PARPBP: variants seen among roughly 807,000 people sequenced by gnomAD.
The protein encoded by PARPBP is PARP1 binding protein, also known as PCNA-interacting partner.
PARPBP carries 52 observed loss-of-function variants against 50.0 expected under a neutral mutation model. The observed-to-expected ratio is 1.04, with a 90% CI of 0.83 to 1.31. The LOEUF is 1.31. PARPBP is among the 50% of genes most tolerant of loss of function. The pLI, the probability that PARPBP is intolerant of heterozygous loss-of-function variation, is 0.00. For missense variants in PARPBP, 697 were observed against 672.0 expected, an observed-to-expected ratio of 1.04 and a Z score of -0.41; for synonymous variants, 244 against 232.1, an observed-to-expected ratio of 1.05 and a Z score of -0.47.
intron 2 of PARPBP, among the ~76,000 whole-genome samples, chr12:102,144,551 C>A (rs1594496954): frequency 6.6e-6 from 1 of 152,106 alleles, no homozygotes; most frequent in Admixed American, 6.5e-5. Flanking sequence ...TTTTTACAAT[C>A]CCAGTATAAA....
intron 7 of PARPBP, among the ~76,000 whole-genome samples, chr12:102,176,504 C>A (rs1457947593): frequency 6.6e-6 from 1 of 152,026 alleles, no homozygotes; most frequent in African/African-American, 2.4e-5. Flanking sequence ...ACTATATATT[C>A]CCAGAACATT....
intron 2 of PARPBP, among the ~76,000 whole-genome samples, chr12:102,145,501 A>G (rs1388760444): frequency 6.6e-6 from 1 of 150,610 alleles, no homozygotes; most frequent in East Asian, 2.0e-4. Flanking sequence ...TAGAATATTA[A>G]TGGAGCAGAA....
chr12:102,123,997 A>G lies in PARPBP; in HGVS notation c.109A>G (p.Met37Val), dbSNP rs1018336003. ...ERTTLCGADS[M>V]LLALQLSMAE... ...AACTACTCTATGTGGTGCAGACTCC[A>G]TGCTCTTGGCATTGCAGCTTTCTAT... Residue 37 changes from methionine to valine, a missense_variant, in exon 2 of 11, where the codon ATG becomes GTG. Met to Val is a conservative substitution (Grantham distance 21). Transcript: ENST00000327680. 6.5e-7 allele frequency: 1 copy of G among 1,535,192 alleles called. No homozygotes were observed. The highest frequency in any genetic ancestry group is 1.4e-5 in the African/African-American group (1 of 73,160).
rs1887065549 is a variant in PARPBP, at chr12:102,157,356, T to C, written c.495+3380T>C. Among the ~76,000 whole-genome samples, 4 of 152,142 alleles carry C rather than the reference T, an allele frequency of 2.6e-5. No homozygotes were observed. The South Asian group carries it at 8.3e-4, about 31-fold the overall frequency. On this transcript the variant is annotated intron_variant, in intron 4 of 10. Coordinates refer to ENST00000327680, the MANE Select transcript of PARPBP (RefSeq NM_017915.5). ...AAATTTAAATAAGTATTTTAAAATA[T>C]CATTTACTAACTTCCATATTTAAAT...
At chr12:102,174,499 C>A (rs1442470720) in intron 6 of PARPBP, among the ~76,000 whole-genome samples, 1 of 152,152 alleles carries the variant, frequency 6.6e-6, no homozygotes, top group African/African-American at 2.4e-5. Context: ...TTCCTTTATG[C>A]CACTACAAAA....
intron 9 of PARPBP, among the ~76,000 whole-genome samples, chr12:102,186,237 G>T (rs1334654005): frequency 1.3e-5 from 2 of 151,694 alleles, no homozygotes; most frequent in Non-Finnish European, 2.9e-5. Flanking sequence ...CTAATGGTTT[G>T]TTGATTTTAT....
chr12:102,135,711 C>G (rs1350036399), intron 2 of PARPBP, among the ~76,000 whole-genome samples: 1 of 152,066 alleles, frequency 6.6e-6, no homozygotes, highest in African/African-American at 2.4e-5. Context: ...GGGTATCTTT[C>G]ACATGGGAAT....
At chr12:102,188,425 C>T (rs1305693799) in intron 9 of PARPBP, among the ~76,000 whole-genome samples, 1 of 152,048 alleles carries the variant, frequency 6.6e-6, no homozygotes, top group African/African-American at 2.4e-5. Flanking sequence ...GCTTAGAGCA[C>T]ACCCGAGGAA....
At chr12:102,156,353 ATT>A (rs11357754) in intron 4 of PARPBP, among the ~76,000 whole-genome samples, 10 of 144,752 alleles carry the variant, frequency 6.9e-5, no homozygotes, top group Admixed American at 1.4e-4. Flanking sequence ...CACCCAGCTA[ATT>A]TTTTTTTTTT....
intron 7 of PARPBP, 116 bp downstream of exon 7, chr12:102,175,782 A>C: frequency 1.7e-6 from 1 of 604,586 alleles, no homozygotes; most frequent in Non-Finnish European, 2.7e-6. Flanking sequence ...CCTGTGTTCT[A>C]AAATGATATT....
chr12:102,158,192 A>G (rs1032856237), intron 4 of PARPBP, among the ~76,000 whole-genome samples: 4 of 150,954 alleles, frequency 2.6e-5, no homozygotes, highest in Non-Finnish European at 5.9e-5. Context: ...ATTACTTGCC[A>G]TTTCTCAATA....
At chr12:102,152,464 A>G (rs1886325362) in intron 3 of PARPBP, among the ~76,000 whole-genome samples, 1 of 152,216 alleles carries the variant, frequency 6.6e-6, no homozygotes, top group South Asian at 2.1e-4. Flanking sequence ...CTGGGTTACT[A>G]TAAATTTCGT....
chr12:102,147,726 TAAAAA>T (rs546140105), intron 2 of PARPBP, among the ~76,000 whole-genome samples: 2 of 151,792 alleles, frequency 1.3e-5, no homozygotes, highest in Admixed American at 6.6e-5. Context: ...AATAATAAAA[TAAAAA>T]AAATTAATCT....
intron 6 of PARPBP, among the ~76,000 whole-genome samples, chr12:102,167,123 G>T (rs1888213980): frequency 6.6e-6 from 1 of 152,058 alleles, no homozygotes; most frequent in Non-Finnish European, 1.5e-5. Context: ...GTGTCAGAGT[G>T]GCAACCATGA....
rs147086486 is a variant in PARPBP, at chr12:102,175,658, C to G, written c.997C>G (p.Pro333Ala). Residue 333 changes from proline (P) to alanine (A), a missense_variant, in exon 7 of 11, where the codon CCT becomes GCT. Pro to Ala is a conservative substitution (Grantham distance 27). Transcript: ENST00000327680. Reference sequence around the variant, plus strand: ...AGCTCTTAGCACCACTGACATCAGTCCTGCTCGGGTAATGAGCTTTTTATT... The same window carrying G: ...AGCTCTTAGCACCACTGACATCAGTGCTGCTCGGGTAATGAGCTTTTTATT... ...VVALSTTDIS[P>A]ARPKSHAINH... is the part of the protein sequence containing the mutation. The G allele has an allele frequency of 8.0e-5, 128 of 1,593,710 alleles. No individual in the cohort carries two copies. Among genetic ancestry groups the G allele is most frequent in the Non-Finnish European group, 1.0e-4 (121 of 1,167,988 alleles).
chr12:102,130,689 A>G (rs1187059024), intron 2 of PARPBP, among the ~76,000 whole-genome samples: 1 of 151,976 alleles, frequency 6.6e-6, no homozygotes, highest in Non-Finnish European at 1.5e-5. Flanking sequence ...CCCCATCTCT[A>G]CTAGAAATAC....
chr12:102,187,521 G>A (rs1365062493), intron 9 of PARPBP, among the ~76,000 whole-genome samples: 1 of 152,042 alleles, frequency 6.6e-6, no homozygotes, highest in East Asian at 1.9e-4. Context: ...CCACTTGATT[G>A]AAATACACTC....
chr12:102,148,228 A>C lies in PARPBP; in HGVS notation c.154-2A>C. On this transcript the variant is annotated splice_acceptor_variant, in intron 2 of 10. Coordinates refer to ENST00000327680, the MANE Select transcript of PARPBP (RefSeq NM_017915.5). LOFTEE classifies it high-confidence loss of function. ...TTTTTTTTTTGGCATTATCTTTTTC[A>C]GCACAGTGGAGAATTTACAGTCTCT... 1 of 1,340,566 alleles carries C rather than the reference A, an allele frequency of 7.5e-7. No individual in the cohort carries two copies. Among genetic ancestry groups the C allele is most frequent in the Admixed American group, 2.2e-5 (1 of 45,988 alleles). The allele number at this position is 1,340,566 out of a possible 1,614,324, so 83.0% of individuals were successfully genotyped here.
intron 2 of PARPBP, among the ~76,000 whole-genome samples, chr12:102,138,974 C>CT (rs1186623070): frequency 6.6e-6 from 1 of 152,022 alleles, no homozygotes; most frequent in Non-Finnish European, 1.5e-5. Flanking sequence ...AATGTGGGCT[C>CT]TTTTTTGGTT....
Sources: gnomAD v4.1 joint callset for allele counts (sites outside exome capture counted in the v4.1 genomes callset) on GRCh38, gnomAD v4.1.1 for gene constraint, MANE v1.5 for transcripts, NCBI Gene and HGNC (gene_info 2026-07-23, HGNC 2026-07-21) for gene names.